INPP4A: variants seen among roughly 807,000 people sequenced by gnomAD.
INPP4A encodes the protein inositol polyphosphate-4-phosphatase, type I, 107kD.
In INPP4A, 33 loss-of-function variants were observed where a neutral mutation model predicts 119.8. The observed-to-expected ratio is 0.28, with a 90% CI of 0.21 to 0.37. The LOEUF (loss-of-function observed/expected upper bound fraction) is 0.37. Among genes scored for constraint, INPP4A ranks in the 10% least tolerant of loss-of-function variants. INPP4A has a pLI of 1.00. For missense variants in INPP4A, 956 were observed against 1,289.9 expected, an observed-to-expected ratio of 0.74 and a Z score of 3.97; for synonymous variants, 496 against 500.7, an observed-to-expected ratio of 0.99 and a Z score of 0.12.
In INPP4A at chr2:98,522,300, A is replaced by G. The variant is rs544328559; in HGVS notation, c.151+1569A>G. Among the ~76,000 whole-genome samples the G allele has an allele frequency of 1.1e-4, 17 of 151,658 alleles. No individual in the cohort carries two copies. The South Asian group carries it at 1.2e-3, about 11-fold the overall frequency. On this transcript the variant is annotated intron_variant, in intron 4 of 24. Transcript: ENST00000409851. ...AGACTCTGTCTCAAAAAAAAAAAAA[A>G]AAAGAAAGAAAGAAATTATAATTTG...
rs1700489299 is a variant in INPP4A at position 98,593,510 on chromosome 2, C to G, written c.*5902C>G. 6.6e-6 allele frequency: 1 copy of G among 152,248 alleles called. No individual in the cohort carries two copies. Among genetic ancestry groups the G allele is most frequent in the Non-Finnish European group, 1.5e-5 (1 of 68,048 alleles). 9.4% of individuals were successfully genotyped at this position (152,248 alleles called of 1,614,324 possible). On this transcript the variant is annotated 3_prime_UTR_variant, in exon 25 of 25. Transcript: ENST00000409851. ...AAGATGATCTTCCTGAAAAATCTTA[C>G]ACATTCCTGTTGAACAAATGGTCAC...
At position 98,543,974 on chromosome 2, in the gene INPP4A, C is replaced by G; in HGVS notation, c.916C>G (p.Gln306Glu). Residue 306 changes from glutamine (Q) to glutamate (E), a missense_variant, in exon 11 of 25, where the codon CAG becomes GAG. Physicochemically the swap from Gln to Glu is conservative, Grantham distance 29. Transcript: ENST00000409851. ...TQYQTIILTYQENLTDLHQYR... is the reference protein window; with the variant it reads ...TQYQTIILTYEENLTDLHQYR... The stretch of plus-strand genomic sequence containing the variant: ...GTACCAGACCATCATCCTCACATAC[C>G]AGGAGAACCTGACCGACCTCCATCA... 3.8e-6 allele frequency: 6 copies of G among 1,582,510 alleles called. No homozygotes were observed. Among genetic ancestry groups the G allele is most frequent in the Non-Finnish European group, 5.2e-6 (6 of 1,163,332 alleles).
intron 1 of INPP4A, among the ~76,000 whole-genome samples, chr2:98,457,922 T>A (rs1696407585): frequency 6.6e-6 from 1 of 151,674 alleles, no homozygotes; most frequent in African/African-American, 2.4e-5. Context: ...CACCTCAGCC[T>A]CCCAATTAGC....
chr2:98,490,607 G>A (rs148070958), intron 1 of INPP4A, among the ~76,000 whole-genome samples: 181 of 152,296 alleles, frequency 1.2e-3, no homozygotes, highest in African/African-American at 3.7e-3. Flanking sequence ...TTGCGACCTG[G>A]TTTAGTCCTG....
chr2:98,565,175 C>A (rs186518717), intron 19 of INPP4A, among the ~76,000 whole-genome samples: 1 of 152,104 alleles, frequency 6.6e-6, no homozygotes, highest in African/African-American at 2.4e-5. Flanking sequence ...TTCTTCCTAC[C>A]CTTGTTTATT....
intron 1 of INPP4A, among the ~76,000 whole-genome samples, chr2:98,500,057 C>T (rs1016976078): frequency 6.6e-6 from 1 of 152,188 alleles, no homozygotes; most frequent in Non-Finnish European, 1.5e-5. Flanking sequence ...GTGTCATTCT[C>T]CAGAGAGAAT....
rs534436437 is a variant in INPP4A at position 98,516,738 on chromosome 2, A to G, written c.-165-2226A>G. ...GGGTGCTGCCCTGCCTCTGGCCAGC[A>G]TGGGGTGCAAATCTTCAGTGACACA... On this transcript the variant is annotated intron_variant, in intron 1 of 24. Coordinates refer to ENST00000409851, the MANE Select transcript of INPP4A (RefSeq NM_001134225.2). Among the ~76,000 whole-genome samples the G allele has an allele frequency of 4.7e-3, 709 of 152,272 alleles. 1 individual carries two copies. Among genetic ancestry groups the G allele is most frequent in the Non-Finnish European group, 8.1e-3 (549 of 68,012 alleles).
At chr2:98,548,585 G>A (rs1395335426) in intron 13 of INPP4A, among the ~76,000 whole-genome samples, 10 of 152,176 alleles carry the variant, frequency 6.6e-5, no homozygotes, top group African/African-American at 2.4e-4. Context: ...AACTCTGCAT[G>A]TTAACTTTAG....
intron 17 of INPP4A, among the ~76,000 whole-genome samples, chr2:98,560,024 G>A (rs1024088984): frequency 1.3e-5 from 2 of 152,224 alleles, no homozygotes. Flanking sequence ...ACTTGTTCAT[G>A]TATTGTCTGC....
Position 98,588,268 on chromosome 2 carries a change from C to T in INPP4A, c.*660C>T. ...TAGTTGGGGCCACTCTTTTTTCTGTCCCTTATGAGTTACAGAACAGGGAGT... is the reference window on the plus strand; with the variant it reads ...TAGTTGGGGCCACTCTTTTTTCTGTTCCTTATGAGTTACAGAACAGGGAGT... On this transcript the variant is annotated 3_prime_UTR_variant, in exon 25 of 25. Transcript: ENST00000409851. 1 of 206,816 alleles carries T rather than the reference C, an allele frequency of 4.8e-6. No homozygotes were observed. The highest frequency in any genetic ancestry group is 9.9e-6 in the Non-Finnish European group (1 of 101,328). The allele number at this position is 206,816 out of a possible 1,614,324, so 12.8% of individuals were successfully genotyped here.
chr2:98,589,614 T>C lies in INPP4A; in HGVS notation c.*2006T>C, dbSNP rs1007791480. 1 of 179,068 alleles carries C rather than the reference T, an allele frequency of 5.6e-6. No individual in the cohort carries two copies. Among genetic ancestry groups the C allele is most frequent in the African/African-American group, 2.4e-5 (1 of 42,300 alleles). The allele number at this position is 179,068 out of a possible 1,614,324, so 11.1% of individuals were successfully genotyped here. A position where few individuals can be genotyped will look rare whatever the true frequency, so the allele number is the denominator to read the frequency against. On this transcript the variant is annotated 3_prime_UTR_variant, in exon 25 of 25. Coordinates refer to ENST00000409851, the MANE Select transcript of INPP4A (RefSeq NM_001134225.2). ...CCATAAAACTGTAAGACTTGGCAAA[T>C]GCTATAGAAAAGGTTCAGGTTTCAG...
intron 24 of INPP4A, 105 bp from the exon 25 acceptor site, chr2:98,587,371 T>C: frequency 8.6e-7 from 1 of 1,162,060 alleles, no homozygotes; most frequent in Middle Eastern, 2.2e-4. Flanking sequence ...TAAATTAATC[T>C]TTTTTTTAAT....
At chr2:98,464,453 G>GTGCAGGGGA (rs1674320380) in intron 1 of INPP4A, among the ~76,000 whole-genome samples, 1 of 152,192 alleles carries the variant, frequency 6.6e-6, no homozygotes, top group Non-Finnish European at 1.5e-5. Context: ...AAAGCAGGGG[G>GTGCAGGGGA]TTTAGGGGAG....
At position 98,494,005 on chromosome 2, in the gene INPP4A, G is replaced by A. The variant is rs576042321; in HGVS notation, c.-165-24959G>A. On this transcript the variant is annotated intron_variant, in intron 1 of 24. Coordinates refer to ENST00000409851, the MANE Select transcript of INPP4A (RefSeq NM_001134225.2). ...TATATCCTAAGGGCATACAGCACAT[G>A]AAGAAACATTTATTCAAGAAAATCT... 2.0e-5 allele frequency among the ~76,000 whole-genome samples: 3 copies of A among 152,332 alleles called. No homozygotes were observed. In the South Asian group the frequency reaches 6.2e-4, roughly 32 times the overall value.
At chr2:98,574,632 C>A (rs1286492584) in intron 23 of INPP4A, among the ~76,000 whole-genome samples, 21 of 144,040 alleles carry the variant, frequency 1.5e-4, no homozygotes, top group Admixed American at 1.4e-3. Flanking sequence ...AGTGAGACTC[C>A]ATCTCAAAAA....
intron 14 of INPP4A, among the ~76,000 whole-genome samples, chr2:98,553,283 C>G (rs1693865615): frequency 6.6e-6 from 1 of 152,102 alleles, no homozygotes; most frequent in Admixed American, 6.5e-5. Flanking sequence ...TCAGTAACAG[C>G]CTAACTAGCA....
chr2:98,461,369 C>T (rs550500218), intron 1 of INPP4A, among the ~76,000 whole-genome samples: 36 of 152,222 alleles, frequency 2.4e-4, no homozygotes, highest in Non-Finnish European at 4.7e-4. Flanking sequence ...CAGTCACTGC[C>T]AGCAACAGGT....
At chr2:98,528,360 G>C (rs959019164) in intron 4 of INPP4A, among the ~76,000 whole-genome samples, 3 of 152,148 alleles carry the variant, frequency 2.0e-5, no homozygotes, top group Non-Finnish European at 2.9e-5. Flanking sequence ...CTGAGGAACA[G>C]AAAGGAAAAA....
intron 1 of INPP4A, among the ~76,000 whole-genome samples, chr2:98,508,784 G>T (rs1684572755): frequency 6.6e-6 from 1 of 152,190 alleles, no homozygotes; most frequent in Non-Finnish European, 1.5e-5. Flanking sequence ...GCTGCTCCTG[G>T]TGCACGCTGA....
Sources: gnomAD v4.1 joint callset for allele counts (sites outside exome capture counted in the v4.1 genomes callset) on GRCh38, gnomAD v4.1.1 for gene constraint, MANE v1.5 for transcripts, NCBI Gene and HGNC (gene_info 2026-07-23, HGNC 2026-07-21) for gene names.